CDH18: variants seen among roughly 807,000 people sequenced by gnomAD.
CDH18 encodes the protein cadherin 18, also known as cadherin-18.
In CDH18, 31 loss-of-function variants were observed where a neutral mutation model predicts 67.9. That is an observed-to-expected ratio of 0.46 (90% confidence interval 0.34 to 0.62). The LOEUF is 0.62. CDH18 is among the 20% of genes least tolerant of loss of function. CDH18 has a pLI of 0.01. For synonymous variants in CDH18, 362 were observed against 347.2 expected, an observed-to-expected ratio of 1.04 and a Z score of -0.48; for missense variants, 890 against 975.5, an observed-to-expected ratio of 0.91 and a Z score of 1.17.
rs967257462 is a variant in CDH18, at chr5:20,523,249, A to C, written c.-580+52213T>G. 3.7e-4 allele frequency among the ~76,000 whole-genome samples: 56 copies of C among 152,106 alleles called. 3 individuals carry two copies. The highest frequency in any genetic ancestry group is 3.3e-3 in the Admixed American group (50 of 15,256). ...GTTTGCTCATGCATGCTTTTTGCAA[A>C]TGTCTTTCTATTCTTTGCAATCAGC... On this transcript the variant is annotated intron_variant, in intron 1 of 14. Transcript: ENST00000507958.
intron 1 of CDH18, among the ~76,000 whole-genome samples, chr5:20,406,442 G>A (rs1367721263): frequency 6.6e-6 from 1 of 150,954 alleles, no homozygotes; most frequent in Non-Finnish European, 1.5e-5. Flanking sequence ...GTGGGGGAGG[G>A]GGGAGGGATA....
chr5:19,844,296 G>C (rs2150047031), intron 2 of CDH18, among the ~76,000 whole-genome samples: 1 of 152,246 alleles, frequency 6.6e-6, no homozygotes, highest in Admixed American at 6.5e-5. Context: ...GGACCTCATA[G>C]AAGGTGACTA....
intron 2 of CDH18, among the ~76,000 whole-genome samples, chr5:20,226,089 A>C (rs2126475258): frequency 6.6e-6 from 1 of 152,228 alleles, no homozygotes; most frequent in African/African-American, 2.4e-5. Flanking sequence ...ATCAACAAGA[A>C]TTTGAGTCGG....
chr5:20,467,820 C>T (rs1751749953), intron 1 of CDH18, among the ~76,000 whole-genome samples: 2 of 152,068 alleles, frequency 1.3e-5, no homozygotes, highest in East Asian at 1.9e-4. Flanking sequence ...AAATAGTAGG[C>T]ATTTGCAGAA....
intron 11 of CDH18, among the ~76,000 whole-genome samples, chr5:19,489,538 C>A (rs560868523): frequency 2.6e-5 from 4 of 152,162 alleles, no homozygotes; most frequent in South Asian, 4.2e-4. Flanking sequence ...TGAGCCACCG[C>A]GCCTGGCCAA....
At chr5:19,768,424 G>A (rs1180248540) in intron 3 of CDH18, among the ~76,000 whole-genome samples, 1 of 152,096 alleles carries the variant, frequency 6.6e-6, no homozygotes, top group Non-Finnish European at 1.5e-5. Flanking sequence ...ATCTGGAGAA[G>A]TAATTAAAGT....
chr5:20,085,865 C>A, intron 2 of CDH18, among the ~76,000 whole-genome samples: 1 of 152,286 alleles, frequency 6.6e-6, no homozygotes, highest in South Asian at 2.1e-4. Flanking sequence ...GGTGGAGACA[C>A]AGCCAAACCA....
intron 1 of CDH18, among the ~76,000 whole-genome samples, chr5:20,569,692 T>G (rs555649539): frequency 1.1e-4 from 17 of 152,278 alleles, no homozygotes; most frequent in African/African-American, 4.1e-4. Context: ...CCCAAATGAG[T>G]TGAACACTTA....
Position 20,292,477 on chromosome 5 carries a change from G to A in CDH18, c.-579-36972C>T, listed in dbSNP as rs186913108. 5.6e-4 allele frequency among the ~76,000 whole-genome samples: 86 copies of A among 152,294 alleles called. No homozygotes were observed. In the South Asian group the frequency reaches 0.016, roughly 28 times the overall value. On this transcript the variant is annotated intron_variant, in intron 1 of 14. Coordinates refer to the CDH18 transcript ENST00000507958. ...ACTTTCACTTGTCATTATTTTTGAA[G>A]GGCTCTGTGTGTTGTGGTTGGAGAT...
intron 2 of CDH18, among the ~76,000 whole-genome samples, chr5:20,038,336 C>T (rs956164769): frequency 6.6e-6 from 1 of 152,140 alleles, no homozygotes; most frequent in Non-Finnish European, 1.5e-5. Flanking sequence ...GGGACTCATC[C>T]CTAACTCATA....
At chr5:20,038,924 T>A (rs959824691) in intron 2 of CDH18, among the ~76,000 whole-genome samples, 3 of 152,182 alleles carry the variant, frequency 2.0e-5, no homozygotes, top group Middle Eastern at 3.2e-3. Context: ...GCAGATGAGA[T>A]GATTGTATAT....
At position 19,838,841 on chromosome 5, in the gene CDH18, T is replaced by A. The variant is rs761770637; in HGVS notation, c.146A>T (p.His49Leu). 2 of 1,614,038 alleles carry A rather than the reference T, an allele frequency of 1.2e-6. No homozygotes were observed. The highest frequency in any genetic ancestry group is 3.3e-5 in the Admixed American group (2 of 60,026). Reference sequence around the variant, plus strand: ...CCATACCCATCCCCTTTTGGGACGATGATGGACTTCGGTTTCACCTTCAAT... The same window carrying A: ...CCATACCCATCCCCTTTTGGGACGAAGATGGACTTCGGTTTCACCTTCAAT... ...KHIEGETEVHHRPKRGWVWNQ... is the reference protein window; with the variant it reads ...KHIEGETEVHLRPKRGWVWNQ... The change falls in exon 3 of 13, where the codon CAT (histidine) becomes CTT (leucine). Residue 49 changes from histidine (H) to leucine (L), a missense_variant. His to Leu is a moderately conservative substitution (Grantham distance 99). Coordinates refer to ENST00000382275, the MANE Select transcript of CDH18 (RefSeq NM_004934.5).
At chr5:20,382,602 A>T (rs2150102606) in intron 1 of CDH18, among the ~76,000 whole-genome samples, 1 of 152,258 alleles carries the variant, frequency 6.6e-6, no homozygotes, top group South Asian at 2.1e-4. Flanking sequence ...GTAAGAAAAT[A>T]AACATCTCTC....
chr5:20,531,413 A>G (rs1756389519), intron 1 of CDH18, among the ~76,000 whole-genome samples: 1 of 152,138 alleles, frequency 6.6e-6, no homozygotes, highest in Non-Finnish European at 1.5e-5. Flanking sequence ...AATATAAATC[A>G]TTCCACTATA....
At chr5:19,795,446 A>C (rs909280406) in intron 3 of CDH18, among the ~76,000 whole-genome samples, 61 of 152,272 alleles carry the variant, frequency 4.0e-4, no homozygotes, top group African/African-American at 1.3e-3. Context: ...GAATGGTCTA[A>C]GGGAAACCCA....
At chr5:20,561,399 A>T (rs1176761780) in intron 1 of CDH18, among the ~76,000 whole-genome samples, 1 of 152,114 alleles carries the variant, frequency 6.6e-6, no homozygotes, top group Non-Finnish European at 1.5e-5. Context: ...GTGCTGCATG[A>T]GGACAATGGA....
At chr5:20,139,636 C>A (rs890359834) in intron 2 of CDH18, among the ~76,000 whole-genome samples, 1 of 152,108 alleles carries the variant, frequency 6.6e-6, no homozygotes, top group Non-Finnish European at 1.5e-5. Context: ...AATCAAACAA[C>A]CCCATCAAAA....
At chr5:20,179,221 A>G (rs1737489261) in intron 2 of CDH18, among the ~76,000 whole-genome samples, 1 of 152,208 alleles carries the variant, frequency 6.6e-6, no homozygotes, top group Non-Finnish European at 1.5e-5. Context: ...AGAAGCTTCC[A>G]TGAATTTTTG....
intron 2 of CDH18, among the ~76,000 whole-genome samples, chr5:20,096,315 T>C (rs1745984982): frequency 6.6e-6 from 1 of 152,170 alleles, no homozygotes; most frequent in Non-Finnish European, 1.5e-5. Context: ...ATTCATGCTT[T>C]TATACTCAGC....
Sources: gnomAD v4.1 joint callset for allele counts (sites outside exome capture counted in the v4.1 genomes callset) on GRCh38, gnomAD v4.1.1 for gene constraint, MANE v1.5 for transcripts, NCBI Gene and HGNC (gene_info 2026-07-23, HGNC 2026-07-21) for gene names.